The following ENTREP1 variants were observed in gnomAD, a reference collection of about 807,000 sequenced individuals.
The protein encoded by ENTREP1 is endosomal transmembrane epsin interactor 1, also known as Friedreich ataxia region gene X123.
At chr9:69,332,596 C>A in the ENTREP1 span, among the ~76,000 whole-genome samples, 1 of 152,126 alleles carries the variant, frequency 6.6e-6, no homozygotes, top group African/African-American at 2.4e-5. Context: ...TACATATATA[C>A]ATTTTGTACA....
At chr9:69,326,173 T>C in the ENTREP1 span, among the ~76,000 whole-genome samples, 1 of 152,164 alleles carries the variant, frequency 6.6e-6, no homozygotes, top group African/African-American at 2.4e-5. Context: ...ATTTGTGAGA[T>C]GGGACAGTTT....
the ENTREP1 span, chr9:69,383,412 G>A: frequency 1.4e-6 from 2 of 1,380,040 alleles, no homozygotes; most frequent in South Asian, 1.6e-5. Flanking sequence ...AAGCAATGAT[G>A]GGGTTGCATT....
chr9:69,344,360 C>G, the ENTREP1 span, among the ~76,000 whole-genome samples: 14 of 152,286 alleles, frequency 9.2e-5, no homozygotes, highest in African/African-American at 3.4e-4. Context: ...GTAGAAGAAA[C>G]TGTTTACAGT....
chr9:69,340,609 G>GCA, the ENTREP1 span, among the ~76,000 whole-genome samples: 87 of 145,596 alleles, frequency 6.0e-4, 3 homozygotes, highest in East Asian at 3.8e-3. Context: ...ATGTGTGTGT[G>GCA]TGCATGTGTG....
chr9:69,384,156 G>A, the ENTREP1 span: 25 of 621,392 alleles, frequency 4.0e-5, no homozygotes, highest in Non-Finnish European at 6.0e-5. Flanking sequence ...CCAGGAGTTT[G>A]AGGCCAGCCT....
chr9:69,338,469 G>A, the ENTREP1 span, among the ~76,000 whole-genome samples: 1 of 152,132 alleles, frequency 6.6e-6, no homozygotes, highest in Non-Finnish European at 1.5e-5. Context: ...AGTGTGTTAA[G>A]AATAGATTCA....
the ENTREP1 span, chr9:69,329,658 G>A: frequency 1.0e-6 from 1 of 985,420 alleles, no homozygotes; most frequent in Non-Finnish European, 1.2e-6. Context: ...GTGAAGCTAA[G>A]AGATGAGCCA....
At chr9:69,371,525 G>A in the ENTREP1 span, 1 of 1,613,724 alleles carries the variant, frequency 6.2e-7, no homozygotes, top group Non-Finnish European at 8.5e-7. Context: ...TGCTCTCTGT[G>A]GTTTGTGTCC....
chr9:69,367,715 A>G, the ENTREP1 span, among the ~76,000 whole-genome samples: 3 of 80,870 alleles, frequency 3.7e-5, no homozygotes, highest in Admixed American at 5.1e-4. Context: ...ATATATATAT[A>G]CACATATATA....
chr9:69,333,236 G>A, the ENTREP1 span, among the ~76,000 whole-genome samples: 2 of 151,766 alleles, frequency 1.3e-5, no homozygotes, highest in Non-Finnish European at 2.9e-5. Flanking sequence ...GTGTAGGTGA[G>A]GGGGGCAGAA....
chr9:69,383,389 C>A, the ENTREP1 span: 3 of 1,300,642 alleles, frequency 2.3e-6, no homozygotes, highest in Non-Finnish European at 2.9e-6. Context: ...TGCTTTTTGA[C>A]TGATGGGTTT....
the ENTREP1 span, among the ~76,000 whole-genome samples, chr9:69,375,115 C>G: frequency 2.0e-5 from 3 of 152,202 alleles, no homozygotes; most frequent in Non-Finnish European, 4.4e-5. Flanking sequence ...CTGGCTCACT[C>G]CAGAGGTGCC....
chr9:69,341,326 T>G, the ENTREP1 span, among the ~76,000 whole-genome samples: 1 of 152,210 alleles, frequency 6.6e-6, no homozygotes, highest in Non-Finnish European at 1.5e-5. Context: ...CAACTGTGGC[T>G]CCTGTTGATT....
chr9:69,334,711 C>G, the ENTREP1 span, among the ~76,000 whole-genome samples: 1 of 151,896 alleles, frequency 6.6e-6, no homozygotes, highest in African/African-American at 2.4e-5. Flanking sequence ...CTGTGTTATC[C>G]AAAGGGCTGA....
the ENTREP1 span, among the ~76,000 whole-genome samples, chr9:69,367,810 C>T: frequency 0.14 from 12,634 of 89,102 alleles, 2,457 homozygotes; most frequent in South Asian, 0.2. Flanking sequence ...AATATATATA[C>T]ACACATATAT....
At chr9:69,353,636 A>AATC in the ENTREP1 span, among the ~76,000 whole-genome samples, 2 of 152,340 alleles carry the variant, frequency 1.3e-5, no homozygotes, top group South Asian at 4.1e-4. Flanking sequence ...CTTGGTTCAC[A>AATC]ATCTTCAAAT....
chr9:69,335,608 C>T, the ENTREP1 span, among the ~76,000 whole-genome samples: 1 of 152,056 alleles, frequency 6.6e-6, no homozygotes. Context: ...GCCTTGTTTC[C>T]CATTTCGAAG....
chr9:69,375,901 A>T, the ENTREP1 span: 51 of 1,585,846 alleles, frequency 3.2e-5, 1 homozygote, highest in African/African-American at 6.2e-4. Flanking sequence ...CGGTAAATAC[A>T]CCACGGAGCC....
the ENTREP1 span, chr9:69,336,139 T>C: frequency 2.0e-5 from 15 of 745,604 alleles, no homozygotes; most frequent in Non-Finnish European, 3.0e-5. Flanking sequence ...TTTAAAAATA[T>C]GTACTTTTGT....
Sources: gnomAD v4.1 joint callset for allele counts (sites outside exome capture counted in the v4.1 genomes callset) on GRCh38, gnomAD v4.1.1 for gene constraint, MANE v1.5 for transcripts, NCBI Gene and HGNC (gene_info 2026-07-23, HGNC 2026-07-21) for gene names.